The following IVD variants were observed in gnomAD, a reference collection of about 807,000 sequenced individuals.
IVD encodes the protein isovaleryl-CoA dehydrogenase.
A neutral mutation model predicts 51.3 loss-of-function variants in IVD; 31 were observed. The ratio of observed to expected loss-of-function variants is 0.60; its 90% CI spans 0.45 to 0.81. The LOEUF is 0.81. IVD is among the 40% of genes least tolerant of loss of function. The pLI is 0.00. For synonymous variants in IVD, 205 were observed against 219.4 expected (o/e 0.93, Z 0.58); for missense variants, 475 against 552.0 (o/e 0.86, Z 1.40).
chr15:40,422,585 CTTTTTTTTTTTTTTTT>C (rs1157351420), downstream of IVD, among the ~76,000 whole-genome samples: 7 of 69,132 alleles, frequency 1.0e-4, 1 homozygote, highest in African/African-American at 4.1e-4. Context: ...GCCCGGCCGA[CTTTTTTTTTTTTTTTT>C]TTTTTTTTTT....
In IVD at chr15:40,419,149, A is replaced by G. The variant is rs955598445; in HGVS notation, c.*886A>G. On this transcript the variant is annotated 3_prime_UTR_variant, in exon 12 of 12. Transcript: ENST00000487418. The stretch of plus-strand genomic sequence containing the variant: ...AAAACTCTTCAAAAAACAAAACAAA[A>G]CAAAAAAACCCTGGCCCTTGTTTCT... The G allele has an allele frequency of 1.3e-5, 17 of 1,289,036 alleles. No individual in the cohort carries two copies. Among genetic ancestry groups the G allele is most frequent in the Non-Finnish European group, 1.7e-5 (17 of 988,834 alleles). 79.8% of individuals were successfully genotyped at this position (1,289,036 alleles called of 1,614,324 possible).
At chr15:40,423,227 G>C (rs1256250688), downstream of IVD, among the ~76,000 whole-genome samples, 1 of 152,166 alleles carries the variant, frequency 6.6e-6, no homozygotes, top group Non-Finnish European at 1.5e-5. Context: ...CGTTGAGCCA[G>C]TGTGCCCAGC....
At chr15:40,422,302 G>C (rs1215219011), downstream of IVD, among the ~76,000 whole-genome samples, 1 of 143,838 alleles carries the variant, frequency 7.0e-6, no homozygotes, top group Admixed American at 6.9e-5. Context: ...TTTTTTTTTT[G>C]AGACGGAGTC....
chr15:40,433,364 T>C (rs1893087771), intron 7 of IVD, among the ~76,000 whole-genome samples: 2 of 152,220 alleles, frequency 1.3e-5, no homozygotes, highest in African/African-American at 4.8e-5. Context: ...TGTTCATGCC[T>C]TCTGTAAGAG....
At position 40,418,667 on chromosome 15, in the gene IVD, TG is replaced by T. The variant is rs1891981316; in HGVS notation, c.*406del. 8.7e-7 allele frequency: 1 copy of T among 1,144,238 alleles called. No individual in the cohort carries two copies. Among genetic ancestry groups the T allele is most frequent in the African/African-American group, 1.6e-5 (1 of 61,890 alleles). 70.9% of individuals were successfully genotyped at this position (1,144,238 alleles called of 1,614,324 possible). ...CACCTCTTTCTCTTGGGTGAGGCTCTGGCAAGGAGATCTCTCTGCTCAAGCA... is the reference window on the plus strand; with the variant it reads ...CACCTCTTTCTCTTGGGTGAGGCTCTGCAAGGAGATCTCTCTGCTCAAGCA... On this transcript the variant is annotated 3_prime_UTR_variant, in exon 12 of 12. Coordinates refer to ENST00000487418, the MANE Select transcript of IVD (RefSeq NM_002225.5).
chr15:40,409,375 T>G (rs554643576), intron 3 of IVD, among the ~76,000 whole-genome samples: 1 of 151,226 alleles, frequency 6.6e-6, no homozygotes, highest in African/African-American at 2.4e-5. Flanking sequence ...CACCCCAGCC[T>G]GGATAAGAGA....
intron 1 of IVD, 65 bp from the exon 2 acceptor site, chr15:40,407,571 C>G (rs1426512707): frequency 1.8e-5 from 22 of 1,227,614 alleles, no homozygotes; most frequent in Non-Finnish European, 2.4e-6. Context: ...GGCCTTTTCT[C>G]TTGAATGTGT....
chr15:40,418,095 A>G, intron 11 of IVD, 35 bp from the exon 12 acceptor site: 1 of 1,613,148 alleles, frequency 6.2e-7, no homozygotes, highest in Non-Finnish European at 8.5e-7. Flanking sequence ...TTTGTCAATC[A>G]CTTCCTTTCT....
At chr15:40,407,775 G>C in intron 2 of IVD, 50 bp downstream of exon 2, 1 of 1,507,232 alleles carries the variant, frequency 6.6e-7, no homozygotes, top group Non-Finnish European at 9.2e-7. Flanking sequence ...GTGGGGCTGA[G>C]CTGCACTGCT....
chr15:40,411,892 C>T (rs573373844), intron 6 of IVD, among the ~76,000 whole-genome samples: 4 of 152,274 alleles, frequency 2.6e-5, no homozygotes, highest in East Asian at 1.9e-4. Flanking sequence ...CTTCTGAAGA[C>T]GGTGGAGCCG....
intron 7 of IVD, chr15:40,433,823 G>A (rs769945755): frequency 3.3e-5 from 15 of 456,504 alleles, no homozygotes; most frequent in South Asian, 2.3e-4. Flanking sequence ...ACAAACTCTG[G>A]ACCATGTTTA....
chr15:40,410,561 T>C, intron 3 of IVD, 67 bp from the exon 4 acceptor site: 1 of 1,576,624 alleles, frequency 6.3e-7, no homozygotes. Context: ...AAATGTAAGA[T>C]TCTTAATGAA....
intron 3 of IVD, 151 bp downstream of exon 3, chr15:40,408,141 C>T (rs1890666389): frequency 9.5e-6 from 7 of 737,158 alleles, no homozygotes; most frequent in Non-Finnish European, 1.7e-5. Flanking sequence ...TGATTGTCAG[C>T]CCAGAGAACA....
chr15:40,411,993 G>A (rs528850682), intron 6 of IVD, among the ~76,000 whole-genome samples: 1 of 152,336 alleles, frequency 6.6e-6, no homozygotes, highest in Admixed American at 6.5e-5. Context: ...TGGTGGATCT[G>A]ATGAATGTGG....
chr15:40,410,393 A>G (rs529478869), intron 3 of IVD, among the ~76,000 whole-genome samples: 1 of 152,324 alleles, frequency 6.6e-6, no homozygotes, highest in South Asian at 2.1e-4. Flanking sequence ...GATAAAGCAG[A>G]AGTTGCAATG....
chr15:40,414,936 A>G lies in IVD; in HGVS notation c.832A>G (p.Ser278Gly). ...HENKGVYVLMSGLDLERLVLA... is the reference protein window; with the variant it reads ...HENKGVYVLMGGLDLERLVLA... ...GAATAAGGGTGTCTACGTGCTGATG[A>G]GTGGGCTGGACCTGGAGCGGCTGGT... The change falls in exon 8 of 12, where the codon AGT (serine) becomes GGT (glycine). Residue 278 changes from serine (S) to glycine (G), a missense_variant. Transcript: ENST00000487418. 6.2e-7 allele frequency: 1 copy of G among 1,614,130 alleles called. No individual in the cohort carries two copies. Among genetic ancestry groups the G allele is most frequent in the East Asian group, 2.2e-5 (1 of 44,884 alleles).
chr15:40,424,326 T>A, downstream of IVD: 1 of 508,810 alleles, frequency 2.0e-6, no homozygotes, highest in Non-Finnish European at 3.1e-6. Flanking sequence ...TTGCAAGGAG[T>A]CCTCACTGCC....
At chr15:40,407,609 G>A in intron 1 of IVD, 27 bp from the exon 2 acceptor site, 1 of 1,526,930 alleles carries the variant, frequency 6.5e-7, no homozygotes, top group Non-Finnish European at 9.1e-7. Context: ...TGTCTGCAGT[G>A]GCATCTGTTT....
At chr15:40,432,493 C>G (rs1893034055) in intron 7 of IVD, among the ~76,000 whole-genome samples, 1 of 152,240 alleles carries the variant, frequency 6.6e-6, no homozygotes, top group Non-Finnish European at 1.5e-5. Flanking sequence ...ACTGTAGTCC[C>G]CCCAGAGGGT....
Sources: allele counts gnomAD v4.1 joint callset (sites outside exome capture counted in the v4.1 genomes callset), GRCh38; gene constraint gnomAD v4.1.1; transcripts MANE v1.5; gene names NCBI Gene and HGNC (gene_info 2026-07-23, HGNC 2026-07-21).